The following PDE4D variants were observed in gnomAD, a reference collection of about 807,000 sequenced individuals.
PDE4D encodes the protein 3',5'-cyclic-AMP phosphodiesterase 4D.
PDE4D carries 24 observed loss-of-function variants against 87.4 expected under a neutral mutation model. That is an observed-to-expected ratio of 0.27 (90% CI 0.20 to 0.39). PDE4D has a LOEUF of 0.39. Among genes scored for constraint, PDE4D ranks in the 10% least tolerant of loss-of-function variants. The pLI is 1.00. For missense variants in PDE4D, 714 were observed against 1,041.0 expected (o/e 0.69, Z 4.32); for synonymous variants, 384 against 383.2 (o/e 1.00, Z -0.02).
chr5:60,288,498 T>G (rs1752615587), intron 1 of PDE4D, among the ~76,000 whole-genome samples: 1 of 152,198 alleles, frequency 6.6e-6, no homozygotes, highest in African/African-American at 2.4e-5. Flanking sequence ...CAATGAAGAA[T>G]GCATTAAATG....
At chr5:59,829,562 A>G (rs1374521315) in intron 1 of PDE4D, among the ~76,000 whole-genome samples, 1 of 152,058 alleles carries the variant, frequency 6.6e-6, no homozygotes, top group East Asian at 1.9e-4. Flanking sequence ...TCTCATTACA[A>G]GAAATCTTGA....
chr5:59,302,294 A>G (rs889743071), intron 1 of PDE4D, among the ~76,000 whole-genome samples: 1 of 152,174 alleles, frequency 6.6e-6, no homozygotes, highest in Admixed American at 6.5e-5. Context: ...CGGGGCACTC[A>G]ATCTTTTAAA....
At chr5:59,660,222 G>C (rs1024394827) in intron 1 of PDE4D, among the ~76,000 whole-genome samples, 12 of 151,412 alleles carry the variant, frequency 7.9e-5, no homozygotes, top group African/African-American at 2.7e-4. Context: ...AATAAATATT[G>C]AATTAGTAAC....
At chr5:58,995,093 T>A (rs1308623161) in intron 6 of PDE4D, among the ~76,000 whole-genome samples, 2 of 151,924 alleles carry the variant, frequency 1.3e-5, no homozygotes, top group Non-Finnish European at 2.9e-5. Flanking sequence ...CAGTACAAAT[T>A]CTGGTTGTTA....
intron 1 of PDE4D, among the ~76,000 whole-genome samples, chr5:59,377,276 G>T (rs1784882925): frequency 6.6e-6 from 1 of 152,118 alleles, no homozygotes; most frequent in Admixed American, 6.5e-5. Flanking sequence ...AATCAGCTGG[G>T]CGTGGTGGCG....
intron 1 of PDE4D, among the ~76,000 whole-genome samples, chr5:59,647,383 T>C (rs372631126): frequency 5.9e-5 from 9 of 152,044 alleles, no homozygotes; most frequent in African/African-American, 2.2e-4. Context: ...TTCATGGTAA[T>C]ATTTCCTATC....
chr5:59,879,081 T>C (rs1034790664), intron 1 of PDE4D, among the ~76,000 whole-genome samples: 2 of 151,670 alleles, frequency 1.3e-5, no homozygotes, highest in Non-Finnish European at 2.9e-5. Flanking sequence ...TGTGTGTTTT[T>C]AGTAGAGACG....
chr5:59,850,142 C>T (rs1744463053), intron 1 of PDE4D, among the ~76,000 whole-genome samples: 1 of 151,986 alleles, frequency 6.6e-6, no homozygotes, highest in African/African-American at 2.4e-5. Flanking sequence ...AACTTCCTCC[C>T]TCTACTCTTT....
intron 1 of PDE4D, among the ~76,000 whole-genome samples, chr5:59,216,274 T>C (rs1358018413): frequency 1.3e-5 from 2 of 152,168 alleles, no homozygotes; most frequent in East Asian, 1.9e-4. Flanking sequence ...AAAATTCCTT[T>C]CGGAAAATAA....
intron 1 of PDE4D, chr5:59,587,701 G>T: frequency 2.5e-6 from 2 of 808,430 alleles, no homozygotes; most frequent in Non-Finnish European, 1.5e-6. Context: ...CTCTAGGTGG[G>T]TTCCCAGACA....
chr5:59,026,847 A>T (rs751837986), intron 6 of PDE4D, among the ~76,000 whole-genome samples: 4 of 152,202 alleles, frequency 2.6e-5, no homozygotes, highest in Non-Finnish European at 1.5e-5. Context: ...TTGTGTAGAC[A>T]TTACAGATAA....
chr5:59,442,924 T>G (rs1019378133), intron 1 of PDE4D, among the ~76,000 whole-genome samples: 1 of 152,196 alleles, frequency 6.6e-6, no homozygotes, highest in Non-Finnish European at 1.5e-5. Context: ...AAAGCAACTC[T>G]TTTTAACCTT....
intron 1 of PDE4D, among the ~76,000 whole-genome samples, chr5:59,726,059 A>C (rs1214943689): frequency 6.6e-6 from 1 of 152,080 alleles, no homozygotes; most frequent in African/African-American, 2.4e-5. Flanking sequence ...CTCTTCTTTC[A>C]TTTCATCCAC....
chr5:59,283,459 T>A (rs936068040), intron 1 of PDE4D, among the ~76,000 whole-genome samples: 4 of 152,174 alleles, frequency 2.6e-5, no homozygotes, highest in African/African-American at 9.6e-5. Context: ...TGAAAAACCT[T>A]CTATAGCTTC....
chr5:59,581,129 C>A (rs1184822159), intron 1 of PDE4D, among the ~76,000 whole-genome samples: 1 of 151,882 alleles, frequency 6.6e-6, no homozygotes, highest in African/African-American at 2.4e-5. Flanking sequence ...TGAGCTATTG[C>A]AAAAATGTGG....
chr5:60,413,719 T>A (rs953866005), intron 1 of PDE4D, among the ~76,000 whole-genome samples: 2 of 151,868 alleles, frequency 1.3e-5, no homozygotes, highest in Non-Finnish European at 2.9e-5. Context: ...TCGTTTATTT[T>A]TTTTTTTTTT....
intron 1 of PDE4D, among the ~76,000 whole-genome samples, chr5:59,231,662 C>T (rs1389518034): frequency 2.6e-5 from 4 of 152,160 alleles, no homozygotes; most frequent in Non-Finnish European, 5.9e-5. Context: ...TGCGTTCCAT[C>T]AAAGTAAACT....
chr5:59,542,406 T>C (rs1264265749), intron 1 of PDE4D, among the ~76,000 whole-genome samples: 2 of 152,132 alleles, frequency 1.3e-5, no homozygotes, highest in Non-Finnish European at 2.9e-5. Flanking sequence ...GAAACATATT[T>C]TCAGAGAGTA....
chr5:60,311,744 A>T (rs969816564), intron 1 of PDE4D, among the ~76,000 whole-genome samples: 4 of 152,336 alleles, frequency 2.6e-5, no homozygotes, highest in Non-Finnish European at 4.4e-5. Context: ...AATGGGCTAA[A>T]TGTCCCAATT....
Sources: allele counts gnomAD v4.1 joint callset (sites outside exome capture counted in the v4.1 genomes callset), GRCh38; gene constraint gnomAD v4.1.1; transcripts MANE v1.5; gene names NCBI Gene and HGNC (gene_info 2026-07-23, HGNC 2026-07-21).